Variants in MITD1 observed in about 807,000 individuals in gnomAD.
MITD1 encodes MIT domain-containing protein 1.
A neutral mutation model predicts 34.9 loss-of-function variants in MITD1; 24 were observed. The ratio of observed to expected loss-of-function variants is 0.69; its 90% confidence interval spans 0.50 to 0.97. The LOEUF (loss-of-function observed/expected upper bound fraction) is 0.97. Ranked by LOEUF, MITD1 falls within the 50% of genes least tolerant of loss-of-function variation. The pLI is 0.00. For missense variants in MITD1, 266 were observed against 294.6 expected (o/e 0.90, Z 0.71); for synonymous variants, 102 against 101.4 (o/e 1.01, Z -0.04).
At chr2:99,180,678 C>T (rs1024497770) in intron 1 of MITD1, 153 bp downstream of exon 1, 5 of 674,658 alleles carry the variant, frequency 7.4e-6, no homozygotes, top group Middle Eastern at 2.7e-4. Context: ...TAAAAGAAAG[C>T]GGCCCAGTTG....
chr2:99,175,890 G>A (rs923822677), intron 1 of MITD1, among the ~76,000 whole-genome samples: 29 of 152,034 alleles, frequency 1.9e-4, no homozygotes, highest in African/African-American at 6.5e-4. Context: ...GTGTCCTTTT[G>A]TCAAGCCCGC....
chr2:99,168,829 G>C (rs558510826), downstream of MITD1, among the ~76,000 whole-genome samples: 3 of 151,622 alleles, frequency 2.0e-5, no homozygotes, highest in South Asian at 6.3e-4. Flanking sequence ...ACCCAGGCTA[G>C]AGTGCAGTGG....
intron 1 of MITD1, chr2:99,178,460 C>T (rs1448317812): frequency 6.6e-6 from 1 of 152,056 alleles, no homozygotes; most frequent in Admixed American, 6.5e-5. Flanking sequence ...TACAGCAGTT[C>T]GTAAAACAGA....
chr2:99,172,413 T>A (rs2093864057), intron 2 of MITD1: 1 of 150,942 alleles, frequency 6.6e-6, no homozygotes. Context: ...TAATGCAGTA[T>A]AATATGAAGC....
chr2:99,170,735 A>G (rs1469668838), intron 4 of MITD1, 83 bp from the exon 5 acceptor site: 2 of 621,720 alleles, frequency 3.2e-6, no homozygotes, highest in Admixed American at 4.4e-5. Flanking sequence ...TCTATATCAC[A>G]GGTGGATTAA....
chr2:99,163,335 A>G (rs1262871485), intron 7 of MITD1, among the ~76,000 whole-genome samples: 1 of 149,672 alleles, frequency 6.7e-6, no homozygotes, highest in Admixed American at 6.6e-5. Flanking sequence ...TATTTATTTC[A>G]TTTATTTATT....
At chr2:99,161,732 CTG>C, downstream of MITD1, 2 of 446,332 alleles carry the variant, frequency 4.5e-6, no homozygotes, top group South Asian at 4.9e-5. Flanking sequence ...TGTTTGAAAA[CTG>C]TGAAATTATT....
Position 99,179,487 on chromosome 2 carries a change from G to A in MITD1, c.151+1344C>T, listed in dbSNP as rs547210454. ...AATGCCTGGCACTCAGCACTGAAAC[G>A]TGATATCTATGCTTATTGCTGTTGT... is the stretch of plus-strand genomic sequence containing the variant. On this transcript the variant is annotated intron_variant, in intron 1 of 6. Transcript: ENST00000289359. Among the ~76,000 whole-genome samples, 30 of 152,304 alleles carry A rather than the reference G, an allele frequency of 2.0e-4. No individual in the cohort carries two copies. In the South Asian group the frequency reaches 6.0e-3, roughly 30 times the overall value.
intron 7 of MITD1, chr2:99,162,385 A>G (rs756779718): frequency 6.8e-6 from 11 of 1,614,030 alleles, no homozygotes; most frequent in Non-Finnish European, 9.3e-6. Context: ...GTCCAACCCC[A>G]GCTGGATGTG....
At chr2:99,167,841 C>A (rs1406229809), downstream of MITD1, among the ~76,000 whole-genome samples, 3 of 152,068 alleles carry the variant, frequency 2.0e-5, no homozygotes, top group Admixed American at 2.0e-4. Context: ...ATTATCAGCA[C>A]CTGAACCTGA....
At chr2:99,176,474 C>T (rs988321369) in intron 1 of MITD1, among the ~76,000 whole-genome samples, 3 of 152,036 alleles carry the variant, frequency 2.0e-5, no homozygotes, top group African/African-American at 2.4e-5. Context: ...TATAGGCGCC[C>T]GCCACCACAC....
chr2:99,174,769 TTAG>T (rs1350201703), intron 1 of MITD1, among the ~76,000 whole-genome samples: 1 of 152,214 alleles, frequency 6.6e-6, no homozygotes, highest in African/African-American at 2.4e-5. Context: ...TTTTGTATTT[TTAG>T]TAGAGACTGG....
intron 5 of MITD1, 62 bp from the exon 6 acceptor site, chr2:99,169,672 G>T: frequency 7.2e-7 from 1 of 1,394,336 alleles, no homozygotes; most frequent in Non-Finnish European, 1.0e-6. Flanking sequence ...TAATAAAGCT[G>T]TAGTGTATTA....
chr2:99,162,880 A>C, intron 7 of MITD1: 1 of 1,612,910 alleles, frequency 6.2e-7, no homozygotes, highest in Non-Finnish European at 8.5e-7. Flanking sequence ...GGAAGAATTG[A>C]AATTTGTAAT....
At chr2:99,169,528 TA>T in intron 6 of MITD1, 21 bp downstream of exon 6, 1 of 1,602,806 alleles carries the variant, frequency 6.2e-7, no homozygotes, top group Non-Finnish European at 8.5e-7. Flanking sequence ...GCTACACATT[TA>T]CTCATAAGAT....
intron 1 of MITD1, among the ~76,000 whole-genome samples, chr2:99,179,965 A>G (rs1446761681): frequency 6.6e-6 from 1 of 152,140 alleles, no homozygotes; most frequent in African/African-American, 2.4e-5. Flanking sequence ...CTTAAACTAG[A>G]AAGAACAGAG....
At chr2:99,161,747 A>G (rs1299295250), downstream of MITD1, 2 of 470,684 alleles carry the variant, frequency 4.2e-6, no homozygotes, top group African/African-American at 2.0e-5. Flanking sequence ...AAATTATTTC[A>G]ACTGAAATTA....
At chr2:99,175,696 T>C (rs530619870) in intron 1 of MITD1, among the ~76,000 whole-genome samples, 1 of 152,372 alleles carries the variant, frequency 6.6e-6, no homozygotes, top group East Asian at 1.9e-4. Context: ...GCAACAACTA[T>C]GACTGTGATG....
chr2:99,164,246 T>G (rs1419322550), intron 7 of MITD1, among the ~76,000 whole-genome samples: 1 of 152,150 alleles, frequency 6.6e-6, no homozygotes, highest in East Asian at 1.9e-4. Flanking sequence ...TCACAAACCT[T>G]GATTCATAAT....
Sources: allele counts gnomAD v4.1 joint callset (sites outside exome capture counted in the v4.1 genomes callset), GRCh38; gene constraint gnomAD v4.1.1; transcripts MANE v1.5; gene names NCBI Gene and HGNC (gene_info 2026-07-23, HGNC 2026-07-21).